Variants in CAMSAP1 observed in about 807,000 individuals in gnomAD.
CAMSAP1 encodes the protein calmodulin regulated spectrin associated protein 1, also known as calmodulin-regulated spectrin-associated protein 1.
Under a neutral mutation model 143.5 loss-of-function variants are expected in CAMSAP1, and 58 were observed. That is an observed-to-expected ratio of 0.40 (90% CI 0.33 to 0.50). CAMSAP1 has a LOEUF of 0.50. CAMSAP1 is among the 20% of genes least tolerant of loss of function. The pLI is 0.45. For synonymous variants in CAMSAP1, 945 were observed against 859.3 expected, an observed-to-expected ratio of 1.10 and a Z score of -1.74; for missense variants, 1,969 against 2,115.7, an observed-to-expected ratio of 0.93 and a Z score of 1.36.
At chr9:135,903,086 A>G (rs1228628386) in intron 1 of CAMSAP1, among the ~76,000 whole-genome samples, 1 of 152,192 alleles carries the variant, frequency 6.6e-6, no homozygotes, top group African/African-American at 2.4e-5. Flanking sequence ...CAAGGCCTAG[A>G]TACCTCTGAG....
chr9:135,902,403 G>A (rs553882425), intron 1 of CAMSAP1, among the ~76,000 whole-genome samples: 2 of 152,300 alleles, frequency 1.3e-5, no homozygotes, highest in Admixed American at 6.5e-5. Flanking sequence ...CCAACACAGG[G>A]AGGAAGACAC....
At chr9:135,812,656 G>T (rs1000181532) in intron 16 of CAMSAP1, among the ~76,000 whole-genome samples, 2 of 152,180 alleles carry the variant, frequency 1.3e-5, no homozygotes, top group African/African-American at 4.8e-5. Flanking sequence ...GAATTTTACG[G>T]TATGTGAATG....
rs1835606829 is a variant in CAMSAP1 at position 135,824,647 on chromosome 9, G to A, written c.1315+142C>T. ...GCCACAGCACTTCAGCCTGGTGACA[G>A]AGCAAGACTCCATCTCAAAAAACAA... is the stretch of plus-strand genomic sequence containing the variant. On this transcript the variant is annotated intron_variant, in intron 9 of 16. Coordinates refer to ENST00000389532, the MANE Select transcript of CAMSAP1 (RefSeq NM_015447.4). The surrounding 1 kb of genome is among the most constrained non-coding windows in gnomAD (Gnocchi z 4.1). 2 of 662,096 alleles carry A rather than the reference G, an allele frequency of 3.0e-6. No homozygotes were observed. The highest frequency in any genetic ancestry group is 1.9e-5 in the African/African-American group (1 of 54,028). 41.0% of individuals were successfully genotyped at this position (662,096 alleles called of 1,614,324 possible).
chr9:135,845,409 C>G (rs541578260), intron 7 of CAMSAP1, among the ~76,000 whole-genome samples: 40 of 152,312 alleles, frequency 2.6e-4, no homozygotes, highest in Middle Eastern at 6.8e-3. Context: ...CAGCCAACAT[C>G]ATACTGAATG....
At chr9:135,859,000 CAG>C (rs1225458458) in intron 5 of CAMSAP1, among the ~76,000 whole-genome samples, 5 of 152,220 alleles carry the variant, frequency 3.3e-5, no homozygotes, top group Non-Finnish European at 7.3e-5. Flanking sequence ...GAAACACCCT[CAG>C]AGACACACCC....
chr9:135,906,867 G>A (rs1284120149), intron 1 of CAMSAP1, 133 bp downstream of exon 1: 2 of 475,298 alleles, frequency 4.2e-6, no homozygotes, highest in African/African-American at 2.1e-5. Flanking sequence ...GAGGCGGCCG[G>A]CCCAGCCCCG....
chr9:135,841,184 G>A (rs1343827222), intron 7 of CAMSAP1, among the ~76,000 whole-genome samples: 1 of 152,166 alleles, frequency 6.6e-6, no homozygotes, highest in Non-Finnish European at 1.5e-5. Context: ...CACCATTACT[G>A]AGGCTTGAGT....
At chr9:135,840,443 C>T (rs571176129) in intron 7 of CAMSAP1, among the ~76,000 whole-genome samples, 19 of 152,284 alleles carry the variant, frequency 1.2e-4, no homozygotes, top group African/African-American at 4.1e-4. Context: ...CCATGACTCA[C>T]GACGGGGTCC....
Position 135,821,038 on chromosome 9 carries a change from A to C in CAMSAP1, c.3623T>G (p.Val1208Gly). The C allele has an allele frequency of 6.2e-7, 1 of 1,613,802 alleles. No individual in the cohort carries two copies. The highest frequency in any genetic ancestry group is 8.5e-7 in the Non-Finnish European group (1 of 1,179,810). ...KEVLDASVKE[V>G]GSSSSDVSGK... ...CGAGACATCTGAGGAGCTGGACCCC[A>C]CCTCCTTCACACTCGCATCCAGAAC... The change falls in exon 11 of 17, where the codon GTG becomes GGG. Residue 1208 changes from valine (V) to glycine (G), a missense_variant. This residue lies in a region of CAMSAP1 where 1,390 missense variants were observed against 1,420.8 expected (regional missense o/e 0.98). Coordinates refer to ENST00000389532, the MANE Select transcript of CAMSAP1 (RefSeq NM_015447.4). The surrounding 1 kb of genome is among the most constrained non-coding windows in gnomAD (Gnocchi z 4.6).
At chr9:135,859,919 C>T (rs1054668593) in intron 5 of CAMSAP1, among the ~76,000 whole-genome samples, 5 of 151,424 alleles carry the variant, frequency 3.3e-5, no homozygotes, top group African/African-American at 1.2e-4. Flanking sequence ...CAGAAAGCAT[C>T]CAGGGCCAGG....
At chr9:135,868,599 G>A (rs1022444122) in intron 3 of CAMSAP1, among the ~76,000 whole-genome samples, 2 of 147,036 alleles carry the variant, frequency 1.4e-5, no homozygotes, top group African/African-American at 5.0e-5. Flanking sequence ...CTTTTCTGAT[G>A]AGATTGGCAA....
At chr9:135,903,501 C>T (rs1389502887) in intron 1 of CAMSAP1, among the ~76,000 whole-genome samples, 2 of 152,190 alleles carry the variant, frequency 1.3e-5, no homozygotes, top group Non-Finnish European at 2.9e-5. Flanking sequence ...AAGGCCTCGC[C>T]AAGGGCAAGC....
chr9:135,872,957 C>T (rs577321447), intron 3 of CAMSAP1, among the ~76,000 whole-genome samples: 3 of 152,296 alleles, frequency 2.0e-5, no homozygotes, highest in South Asian at 2.1e-4. Flanking sequence ...GACAGGAAAA[C>T]GGTAAAGGAG....
At position 135,850,231 on chromosome 9, in the gene CAMSAP1, C is replaced by G. The variant is rs35981196; in HGVS notation, c.951G>C (p.Pro317=). The G allele has an allele frequency of 0.16, 264,308 of 1,612,004 alleles. 23,314 individuals carry two copies. The highest frequency in any genetic ancestry group is 0.2 in the African/African-American group (14,951 of 74,902). Residue 317 remains proline, a splice_region_variant and synonymous_variant, in exon 7 of 17, where the codon CCG becomes CCC. Coordinates refer to ENST00000389532, the MANE Select transcript of CAMSAP1 (RefSeq NM_015447.4). ...GCTCCGCAATAAAAACCATAACATTCGGCTAAAAGACAAAAACAAAAAACC... is the reference window on the plus strand; with the variant it reads ...GCTCCGCAATAAAAACCATAACATTGGGCTAAAAGACAAAAACAAAAAACC... The part of the protein sequence containing the change: ...DMLYAPLVLK[P]NVMVFIAELF...
At chr9:135,852,354 T>C (rs1382688866) in intron 5 of CAMSAP1, among the ~76,000 whole-genome samples, 1 of 152,238 alleles carries the variant, frequency 6.6e-6, no homozygotes, top group African/African-American at 2.4e-5. Flanking sequence ...TTTGATATGG[T>C]TACATTTAAC....
intron 1 of CAMSAP1, among the ~76,000 whole-genome samples, chr9:135,905,172 A>C (rs1838739137): frequency 6.6e-6 from 1 of 152,222 alleles, no homozygotes; most frequent in African/African-American, 2.4e-5. Context: ...TCAGATTGTG[A>C]ATTCATCATC....
At chr9:135,869,622 C>T (rs755930288) in intron 3 of CAMSAP1, among the ~76,000 whole-genome samples, 1 of 152,050 alleles carries the variant, frequency 6.6e-6, no homozygotes, top group Non-Finnish European at 1.5e-5. Flanking sequence ...GGAAGACAGT[C>T]TGGAAGTTCC....
At chr9:135,812,586 G>T (rs1010292084) in intron 16 of CAMSAP1, among the ~76,000 whole-genome samples, 1 of 152,134 alleles carries the variant, frequency 6.6e-6, no homozygotes, top group Non-Finnish European at 1.5e-5. Context: ...AGGCGGTGGT[G>T]ATGGTTGTGC....
Position 135,857,840 on chromosome 9 carries a change from G to A in CAMSAP1, c.808+4627C>T, listed in dbSNP as rs138152424. ...AGGAGGAGAACCAGTCTCACCTTCG[G>A]GTATGAAGAATTTTACACAAAAGCC... is the stretch of plus-strand genomic sequence containing the variant. On this transcript the variant is annotated intron_variant, in intron 5 of 16. Coordinates refer to ENST00000389532, the MANE Select transcript of CAMSAP1 (RefSeq NM_015447.4). Among the ~76,000 whole-genome samples the A allele has an allele frequency of 3.4e-3, 521 of 152,260 alleles. 3 individuals carry two copies. The highest frequency in any genetic ancestry group is 0.014 in the Middle Eastern group (4 of 294).
Sources: gnomAD v4.1 joint callset for allele counts (sites outside exome capture counted in the v4.1 genomes callset) on GRCh38, gnomAD v4.1.1 for gene constraint, gnomAD v4.1.1 regional missense constraint, Gnocchi (gnomAD v3.1) non-coding constraint, MANE v1.5 for transcripts, NCBI Gene and HGNC (gene_info 2026-07-23, HGNC 2026-07-21) for gene names.